Variants in PAX5 observed in about 807,000 individuals in gnomAD.
PAX5 encodes the protein paired box protein Pax-5.
A neutral mutation model predicts 43.7 loss-of-function variants in PAX5; 9 were observed. The ratio of observed to expected loss-of-function variants is 0.21; its 90% confidence interval spans 0.12 to 0.36. The LOEUF is 0.36. Ranked by LOEUF, PAX5 falls within the 10% of genes least tolerant of loss-of-function variation. The probability of loss-of-function intolerance (pLI) is 1.00; values close to 1 mark genes in which losing one functional copy is unlikely to be tolerated. For synonymous variants in PAX5, 228 were observed against 214.3 expected (o/e 1.06, Z -0.56); for missense variants, 383 against 532.7 (o/e 0.72, Z 2.77).
Position 37,020,814 on chromosome 9 carries a change from A to G in PAX5, c.47-13T>C. The G allele has an allele frequency of 6.2e-7, 1 of 1,613,520 alleles. No individual in the cohort carries two copies. ...ACTCCTCCATGTCCTGAAACAGATCAGAAACAAAAGGAAAGGGAAAGGGTA... is the reference window on the plus strand; with the variant it reads ...ACTCCTCCATGTCCTGAAACAGATCGGAAACAAAAGGAAAGGGAAAGGGTA... On this transcript the variant is annotated splice_polypyrimidine_tract_variant and intron_variant, in intron 1 of 9. Transcript: ENST00000358127.
intron 5 of PAX5, among the ~76,000 whole-genome samples, chr9:37,001,678 A>G (rs1287944200): frequency 6.6e-6 from 1 of 152,218 alleles, no homozygotes; most frequent in African/African-American, 2.4e-5. Context: ...ACAGATCTTA[A>G]GTACTTAGGC....
Position 36,839,588 on chromosome 9 carries a change from G to A in PAX5, c.*972C>T, listed in dbSNP as rs1054409406. 2.6e-5 allele frequency: 6 copies of A among 233,236 alleles called. No individual in the cohort carries two copies. The highest frequency in any genetic ancestry group is 8.8e-5 in the African/African-American group (4 of 45,332). The allele number at this position is 233,236 out of a possible 1,614,324, so 14.4% of individuals were successfully genotyped here. A position where few individuals can be genotyped will look rare whatever the true frequency, so the allele number is the denominator to read the frequency against. ...GGTGAAGTGTCCATGGCAGGTGTCC[G>A]AAGTGACCTGAACCTGGGCATGCCT... On this transcript the variant is annotated 3_prime_UTR_variant, in exon 10 of 10. Transcript: ENST00000358127.
chr9:37,019,071 T>C (rs558873890), intron 2 of PAX5, among the ~76,000 whole-genome samples: 1 of 152,270 alleles, frequency 6.6e-6, no homozygotes, highest in African/African-American at 2.4e-5. Context: ...CAAAAAGATA[T>C]CTAGGAGCCT....
At chr9:36,943,781 A>G (rs1329810251) in intron 6 of PAX5, among the ~76,000 whole-genome samples, 1 of 152,186 alleles carries the variant, frequency 6.6e-6, no homozygotes, top group Non-Finnish European at 1.5e-5. Context: ...TCATTTTTTC[A>G]TACCTCACTA....
intron 8 of PAX5, among the ~76,000 whole-genome samples, chr9:36,869,867 GATGGATAAATGGATGGATGGATGGATAA>G (rs1825268670): frequency 7.0e-6 from 1 of 142,896 alleles, no homozygotes; most frequent in African/African-American, 2.7e-5. Context: ...TGGATGGATG[GATGGATAAATGGATGGATGGATGGATAA>G]ATGGATGGAT....
chr9:37,025,794 C>T (rs971267579), intron 1 of PAX5, among the ~76,000 whole-genome samples: 5 of 152,196 alleles, frequency 3.3e-5, no homozygotes, highest in African/African-American at 1.2e-4. Context: ...GCGGGGGTGC[C>T]TGCGTGGTAA....
chr9:36,856,273 C>T (rs183968110), intron 8 of PAX5, among the ~76,000 whole-genome samples: 18 of 152,306 alleles, frequency 1.2e-4, no homozygotes, highest in Admixed American at 7.8e-4. Context: ...ACACCAGTCC[C>T]GATCTTTGCT....
chr9:36,850,036 C>A (rs570080070), intron 8 of PAX5, among the ~76,000 whole-genome samples: 1 of 152,336 alleles, frequency 6.6e-6, no homozygotes, highest in East Asian at 1.9e-4. Context: ...GTGGAAGCGA[C>A]CACGTGAACC....
Position 36,960,974 on chromosome 9 carries a change from C to T in PAX5, c.780+5575G>A, listed in dbSNP as rs138455884. ...GAAGCCTTCCTCTTTCTCAGCCTGGCCCACCTGTCTCCCCACCTCCTCCTC... is the reference window on the plus strand; with the variant it reads ...GAAGCCTTCCTCTTTCTCAGCCTGGTCCACCTGTCTCCCCACCTCCTCCTC... On this transcript the variant is annotated intron_variant, in intron 6 of 9. Coordinates refer to ENST00000358127, the MANE Select transcript of PAX5 (RefSeq NM_016734.3). 1.2e-3 allele frequency among the ~76,000 whole-genome samples: 190 copies of T among 152,312 alleles called. 1 individual carries two copies. Among genetic ancestry groups the T allele is most frequent in the African/African-American group, 4.2e-3 (175 of 41,552 alleles).
chr9:36,881,861 G>T lies in PAX5; in HGVS notation c.1012+143C>A. The T allele has an allele frequency of 2.9e-6, 2 of 684,432 alleles. 1 individual carries two copies. The highest frequency in any genetic ancestry group is 3.5e-5 in the South Asian group (2 of 57,932). 42.4% of individuals were successfully genotyped at this position (684,432 alleles called of 1,614,324 possible). On this transcript the variant is annotated intron_variant, in intron 8 of 9. Coordinates refer to ENST00000358127, the MANE Select transcript of PAX5 (RefSeq NM_016734.3). ...TCCAGGGCCCACTGCAGGCCCAGCT[G>T]CAGAGAGTGCAGACCTCTGCCTGAT...
chr9:36,985,190 C>T (rs1836289695), intron 5 of PAX5, among the ~76,000 whole-genome samples: 1 of 152,174 alleles, frequency 6.6e-6, no homozygotes, highest in African/African-American at 2.4e-5. Flanking sequence ...CGGGTGGCAC[C>T]AGGGATCTCT....
intron 5 of PAX5, among the ~76,000 whole-genome samples, chr9:36,980,760 G>C (rs1835842637): frequency 6.6e-6 from 1 of 152,100 alleles, no homozygotes; most frequent in South Asian, 2.1e-4. Context: ...GGGCAGGTTC[G>C]GGAGGTGATT....
At chr9:36,971,167 G>A (rs1834901157) in intron 5 of PAX5, among the ~76,000 whole-genome samples, 1 of 152,180 alleles carries the variant, frequency 6.6e-6, no homozygotes, top group Non-Finnish European at 1.5e-5. Flanking sequence ...TCCAGAGGAG[G>A]TGGCAAACAG....
intron 5 of PAX5, among the ~76,000 whole-genome samples, chr9:36,988,564 G>A (rs1214489612): frequency 2.0e-5 from 3 of 151,160 alleles, no homozygotes; most frequent in African/African-American, 7.3e-5. Context: ...TCAGGAGGCT[G>A]AAGTGGAAGG....
intron 1 of PAX5, among the ~76,000 whole-genome samples, chr9:37,025,821 T>A: frequency 6.6e-6 from 1 of 152,182 alleles, no homozygotes; most frequent in South Asian, 2.1e-4. Flanking sequence ...GGCTTCCTCT[T>A]TCTTTCTTTC....
chr9:36,927,307 A>G (rs544673813), intron 6 of PAX5, among the ~76,000 whole-genome samples: 1 of 152,280 alleles, frequency 6.6e-6, no homozygotes, highest in Admixed American at 6.5e-5. Flanking sequence ...CTGGGTCTGC[A>G]AGGGAATGCC....
intron 6 of PAX5, among the ~76,000 whole-genome samples, chr9:36,956,079 A>G (rs527507830): frequency 2.2e-4 from 33 of 152,258 alleles, no homozygotes; most frequent in Non-Finnish European, 4.3e-4. Flanking sequence ...TTGAATTGCA[A>G]ATATTGGATA....
intron 1 of PAX5, 29 bp from the exon 2 acceptor site, chr9:37,020,830 G>A: frequency 1.9e-6 from 3 of 1,611,874 alleles, no homozygotes; most frequent in Non-Finnish European, 2.5e-6. Flanking sequence ...AAAAGGAAAG[G>A]GAAAGGGTAG....
chr9:37,029,685 G>A (rs1840779681), intron 1 of PAX5, among the ~76,000 whole-genome samples: 1 of 152,074 alleles, frequency 6.6e-6, no homozygotes, highest in Non-Finnish European at 1.5e-5. Context: ...CACACCTACT[G>A]GAGAGGCGGG....
Sources: allele counts gnomAD v4.1 joint callset (sites outside exome capture counted in the v4.1 genomes callset), GRCh38; gene constraint gnomAD v4.1.1; transcripts MANE v1.5; gene names NCBI Gene and HGNC (gene_info 2026-07-23, HGNC 2026-07-21).